Variants in KATNAL2 observed in about 807,000 individuals in gnomAD.
KATNAL2 encodes the protein katanin catalytic subunit A1 like 2.
Under a neutral mutation model 76.3 loss-of-function variants are expected in KATNAL2, and 52 were observed. The ratio of observed to expected loss-of-function variants is 0.68; its 90% CI spans 0.55 to 0.86. The LOEUF is 0.86. Among genes scored for constraint, KATNAL2 ranks in the 40% least tolerant of loss-of-function variants. The pLI is 0.00. For synonymous variants in KATNAL2, 243 were observed against 244.2 expected, an observed-to-expected ratio of 1.00 and a Z score of 0.05; for missense variants, 660 against 668.9, an observed-to-expected ratio of 0.99 and a Z score of 0.15.
chr18:47,101,122 G>A lies in KATNAL2; in HGVS notation c.*117G>A, dbSNP rs1599906611. 2 of 1,161,112 alleles carry A rather than the reference G, an allele frequency of 1.7e-6. No individual in the cohort carries two copies. The highest frequency in any genetic ancestry group is 1.2e-6 in the Non-Finnish European group (1 of 819,716). The allele number at this position is 1,161,112 out of a possible 1,614,324, so 71.9% of individuals were successfully genotyped here. ...AAAGAGAAAATTATTTTTGAAGACT[G>A]GATTAACTTGAGCCACTGTATTGTT... On this transcript the variant is annotated 3_prime_UTR_variant, in exon 18 of 18. Transcript: ENST00000683218.
rs1253947168 is a variant in KATNAL2 at position 47,099,495 on chromosome 18, C to A, written c.1374+90C>A. The A allele has an allele frequency of 3.2e-6, 4 of 1,244,840 alleles. No individual in the cohort carries two copies. In the African/African-American group the frequency reaches 4.5e-5, roughly 14 times the overall value. The allele number at this position is 1,244,840 out of a possible 1,614,324, so 77.1% of individuals were successfully genotyped here. A position where few individuals can be genotyped will look rare whatever the true frequency, so the allele number is the denominator to read the frequency against. Reference sequence around the variant, plus strand: ...AGGTCTTACCATGAGCTGATAGAAGCTTGAGACACTTAGAATAAGATCCAA... The same window carrying A: ...AGGTCTTACCATGAGCTGATAGAAGATTGAGACACTTAGAATAAGATCCAA... On this transcript the variant is annotated intron_variant, in intron 16 of 17. Transcript: ENST00000683218.
intron 3 of KATNAL2, among the ~76,000 whole-genome samples, chr18:47,031,330 T>C (rs1394941355): frequency 3.3e-5 from 5 of 152,104 alleles, no homozygotes; most frequent in African/African-American, 4.8e-5. Flanking sequence ...CCATTTGAAA[T>C]ATGTATGTTT....
chr18:46,931,751 G>T (rs532523274), intron 1 of KATNAL2, among the ~76,000 whole-genome samples: 1 of 149,574 alleles, frequency 6.7e-6, no homozygotes, highest in South Asian at 2.1e-4. Flanking sequence ...GGGGGAGGGA[G>T]GAAATAAAGG....
At chr18:46,920,962 T>A (rs981074386) in intron 1 of KATNAL2, among the ~76,000 whole-genome samples, 1 of 152,228 alleles carries the variant, frequency 6.6e-6, no homozygotes, top group Non-Finnish European at 1.5e-5. Flanking sequence ...TATATCCTTT[T>A]TCTTTATTAC....
At chr18:46,930,930 G>C (rs1023532800) in intron 1 of KATNAL2, among the ~76,000 whole-genome samples, 4 of 152,030 alleles carry the variant, frequency 2.6e-5, no homozygotes, top group African/African-American at 9.6e-5. Context: ...GTGAAACCTG[G>C]TCTCTCCTAA....
chr18:47,093,022 T>TCTTA (rs1210156636), intron 15 of KATNAL2, among the ~76,000 whole-genome samples: 1 of 152,262 alleles, frequency 6.6e-6, no homozygotes, highest in African/African-American at 2.4e-5. Flanking sequence ...TCTTTTAATG[T>TCTTA]CTTACATTGC....
intron 1 of KATNAL2, among the ~76,000 whole-genome samples, chr18:46,930,835 G>C: frequency 6.6e-6 from 1 of 150,434 alleles, no homozygotes; most frequent in Middle Eastern, 3.2e-3. Context: ...AGGCGCAGTG[G>C]TTCACACCTG....
intron 3 of KATNAL2, chr18:47,034,388 G>A (rs759103903): frequency 1.2e-6 from 2 of 1,614,006 alleles, no homozygotes; most frequent in Admixed American, 3.3e-5. Flanking sequence ...GCAGGGACAC[G>A]CTGGCCGCTG....
chr18:47,043,165 T>G (rs1331641697), intron 3 of KATNAL2, among the ~76,000 whole-genome samples: 5 of 142,254 alleles, frequency 3.5e-5, no homozygotes, highest in Non-Finnish European at 7.5e-5. Flanking sequence ...AGGCGGAGCT[T>G]GCAGTGAGCA....
intron 15 of KATNAL2, among the ~76,000 whole-genome samples, chr18:47,087,740 A>T (rs1449065571): frequency 7.1e-6 from 1 of 141,808 alleles, no homozygotes; most frequent in Non-Finnish European, 1.5e-5. Context: ...GTCTCTCCAA[A>T]CTCTTTTACA....
At chr18:46,955,564 T>C (rs181006582) in intron 3 of KATNAL2, among the ~76,000 whole-genome samples, 17 of 151,646 alleles carry the variant, frequency 1.1e-4, no homozygotes, top group Admixed American at 1.0e-3. Context: ...ATTCTTTCTT[T>C]CTGTGTTTGT....
At chr18:46,962,368 G>A (rs2060008734) in intron 3 of KATNAL2, among the ~76,000 whole-genome samples, 1 of 98,684 alleles carries the variant, frequency 1.0e-5, no homozygotes, top group African/African-American at 4.8e-5. Flanking sequence ...GTGTCAACTG[G>A]TGGATTGAGA....
intron 3 of KATNAL2, among the ~76,000 whole-genome samples, chr18:46,953,861 G>A (rs2059641964): frequency 6.6e-6 from 1 of 152,170 alleles, no homozygotes; most frequent in Non-Finnish European, 1.5e-5. Context: ...AGGATAATCA[G>A]GTACCAGGGC....
At chr18:47,054,317 G>T in intron 5 of KATNAL2, 79 bp from the exon 6 acceptor site, 1 of 1,261,330 alleles carries the variant, frequency 7.9e-7, no homozygotes. Flanking sequence ...AATGCAAAAA[G>T]GGGAAACATA....
chr18:46,952,344 A>G (rs1024945195), intron 3 of KATNAL2, among the ~76,000 whole-genome samples: 1 of 151,178 alleles, frequency 6.6e-6, no homozygotes, highest in African/African-American at 2.4e-5. Context: ...TAGGCCTGCT[A>G]AAGTGCTGGG....
intron 3 of KATNAL2, chr18:47,033,718 G>C: frequency 6.2e-7 from 1 of 1,614,186 alleles, no homozygotes; most frequent in Non-Finnish European, 8.5e-7. Flanking sequence ...CCTGGAGCCC[G>C]AGTACACCGG....
At chr18:47,070,097 C>CTT (rs34614350) in intron 13 of KATNAL2, among the ~76,000 whole-genome samples, 52,145 of 134,808 alleles carry the variant, frequency 0.39, 11,369 homozygotes, top group Middle Eastern at 0.5. Context: ...TTTTTGCTTT[C>CTT]TTTTTTTTTT....
At chr18:46,956,270 A>T (rs1032277365) in intron 3 of KATNAL2, among the ~76,000 whole-genome samples, 1 of 152,218 alleles carries the variant, frequency 6.6e-6, no homozygotes, top group Admixed American at 6.5e-5. Context: ...GATAAACGCA[A>T]TTTAGTGCCT....
chr18:46,948,467 C>G (rs1015798901), intron 3 of KATNAL2, among the ~76,000 whole-genome samples: 3 of 150,278 alleles, frequency 2.0e-5, no homozygotes, highest in Admixed American at 6.7e-5. Context: ...TCTTGTTGCC[C>G]GGGCTGGAGT....
Sources: allele counts gnomAD v4.1 joint callset (sites outside exome capture counted in the v4.1 genomes callset), GRCh38; gene constraint gnomAD v4.1.1; transcripts MANE v1.5; gene names NCBI Gene and HGNC (gene_info 2026-07-23, HGNC 2026-07-21).